KLRG1: variants seen among roughly 807,000 people sequenced by gnomAD.
KLRG1 encodes killer cell lectin-like receptor subfamily G member 1.
Under a neutral mutation model 21.8 loss-of-function variants are expected in KLRG1, and 16 were observed. The observed-to-expected ratio is 0.73, with a 90% CI of 0.50 to 1.11. KLRG1 has a LOEUF of 1.11. KLRG1 is among the 50% of genes most tolerant of loss of function. The probability of loss-of-function intolerance (pLI) is 0.00; values close to 1 mark genes in which losing one functional copy is unlikely to be tolerated. For synonymous variants in KLRG1, 69 were observed against 75.9 expected (o/e 0.91, Z 0.47); for missense variants, 173 against 218.3 (o/e 0.79, Z 1.31).
At chr12:9,060,036 G>A in the KLRG1 span, among the ~76,000 whole-genome samples, 5 of 106,680 alleles carry the variant, frequency 4.7e-5, no homozygotes, top group South Asian at 2.9e-4. Flanking sequence ...ATGGAGTTTC[G>A]CTCTGTCGCC....
chr12:9,166,422 A>G, the KLRG1 span, among the ~76,000 whole-genome samples: 1 of 152,184 alleles, frequency 6.6e-6, no homozygotes, highest in Non-Finnish European at 1.5e-5. Context: ...TAGACATAGC[A>G]TAATTTGATG....
At chr12:9,206,657 C>G in the KLRG1 span, among the ~76,000 whole-genome samples, 3 of 152,190 alleles carry the variant, frequency 2.0e-5, no homozygotes, top group Non-Finnish European at 4.4e-5. Flanking sequence ...CTTTTGTAGT[C>G]TCTCACATTT....
At chr12:8,965,552 CAGAG>C (rs954885205) in intron 1 of KLRG1, among the ~76,000 whole-genome samples, 5 of 151,966 alleles carry the variant, frequency 3.3e-5, no homozygotes, top group Admixed American at 1.3e-4. Context: ...AACAGACAAA[CAGAG>C]AGCCAAATCA....
chr12:8,994,997 C>T, intron 2 of KLRG1, 122 bp from the exon 3 acceptor site: 1 of 800,212 alleles, frequency 1.2e-6, no homozygotes, highest in Non-Finnish European at 1.9e-6. Context: ...TTCTCTAACC[C>T]TTAATCTGAA....
downstream of KLRG1, among the ~76,000 whole-genome samples, chr12:9,011,716 T>C (rs189326813): frequency 2.8e-3 from 433 of 152,316 alleles, no homozygotes; most frequent in Non-Finnish European, 5.3e-3. Context: ...AAAGAGGCAC[T>C]GACGAGGACA....
the KLRG1 span, chr12:9,149,732 A>G: frequency 1.4e-6 from 1 of 734,424 alleles, no homozygotes; most frequent in Non-Finnish European, 2.2e-6. Context: ...TCATGTAAAT[A>G]GACAAGAATT....
At chr12:9,109,130 A>G in the KLRG1 span, among the ~76,000 whole-genome samples, 1 of 152,174 alleles carries the variant, frequency 6.6e-6, no homozygotes, top group East Asian at 1.9e-4. Context: ...ATAGAATAAT[A>G]CTGATAAGAA....
At chr12:9,212,092 G>A in the KLRG1 span, among the ~76,000 whole-genome samples, 1 of 152,332 alleles carries the variant, frequency 6.6e-6, no homozygotes, top group Admixed American at 6.5e-5. Flanking sequence ...TTCCTAGGCA[G>A]ACAGTGCTGG....
At chr12:9,053,433 G>T in the KLRG1 span, among the ~76,000 whole-genome samples, 84,460 of 151,966 alleles carry the variant, frequency 0.56, 24,942 homozygotes, top group African/African-American at 0.75. Flanking sequence ...AAATGATGCA[G>T]GATGAAAATG....
At chr12:8,989,325 G>A (rs1324480536), upstream of KLRG1, among the ~76,000 whole-genome samples, 1 of 152,142 alleles carries the variant, frequency 6.6e-6, no homozygotes, top group Non-Finnish European at 1.5e-5. Context: ...TTTTATTTTA[G>A]TTTCCATAAC....
intron 1 of KLRG1, among the ~76,000 whole-genome samples, chr12:8,969,212 C>T (rs1223837838): frequency 6.6e-6 from 1 of 152,170 alleles, no homozygotes; most frequent in Non-Finnish European, 1.5e-5. Context: ...TGCCTCCCTG[C>T]CCAGGCCTTG....
At chr12:9,192,707 G>C in the KLRG1 span, 1 of 1,613,110 alleles carries the variant, frequency 6.2e-7, no homozygotes, top group Non-Finnish European at 8.5e-7. Context: ...CCCATGAATA[G>C]TGAAAACACA....
chr12:8,968,355 G>A (rs1946513408), intron 1 of KLRG1, among the ~76,000 whole-genome samples: 1 of 152,126 alleles, frequency 6.6e-6, no homozygotes, highest in South Asian at 2.1e-4. Context: ...ACTAAGCCTT[G>A]CTCTAAAATA....
At chr12:9,068,938 T>C in the KLRG1 span, 1 of 822,926 alleles carries the variant, frequency 1.2e-6, no homozygotes, top group South Asian at 1.9e-5. Context: ...GGAAAAGCTT[T>C]ATTATCCTAC....
chr12:9,107,509 T>TA, the KLRG1 span: 5 of 1,613,326 alleles, frequency 3.1e-6, no homozygotes, highest in African/African-American at 6.7e-5. Context: ...CTAGAAAAAA[T>TA]AGTGTTCAAC....
chr12:8,958,045 T>C (rs945446420), intron 1 of KLRG1, among the ~76,000 whole-genome samples: 5 of 152,202 alleles, frequency 3.3e-5, no homozygotes, highest in Admixed American at 1.3e-4. Context: ...CTTATAGTTT[T>C]ATGTTTATGT....
At chr12:9,009,388 T>C (rs1463783325) in intron 4 of KLRG1, 38 bp from the exon 5 acceptor site, 2 of 1,611,228 alleles carry the variant, frequency 1.2e-6, no homozygotes, top group Middle Eastern at 1.7e-4. Context: ...TTTCTGTGCA[T>C]GCGGCCTTAA....
chr12:8,972,479 T>C (rs780259917), intron 1 of KLRG1, among the ~76,000 whole-genome samples: 1 of 152,304 alleles, frequency 6.6e-6, no homozygotes, highest in East Asian at 1.9e-4. Flanking sequence ...CCATTTTAAG[T>C]TGAATTTTTA....
At chr12:9,056,000 A>G in the KLRG1 span, among the ~76,000 whole-genome samples, 1 of 152,216 alleles carries the variant, frequency 6.6e-6, no homozygotes, top group Non-Finnish European at 1.5e-5. Flanking sequence ...GCAGTATGAT[A>G]AATCTGATAT....
Sources: allele counts gnomAD v4.1 joint callset (sites outside exome capture counted in the v4.1 genomes callset), GRCh38; gene constraint gnomAD v4.1.1; transcripts MANE v1.5; gene names NCBI Gene and HGNC (gene_info 2026-07-23, HGNC 2026-07-21).